Variants in ASIC4 observed in about 807,000 individuals in gnomAD.
ASIC4 encodes the protein acid-sensing ion channel 4.
ASIC4 carries 28 observed loss-of-function variants against 53.4 expected under a neutral mutation model. The ratio of observed to expected loss-of-function variants is 0.52; its 90% confidence interval spans 0.39 to 0.72. The LOEUF (loss-of-function observed/expected upper bound fraction) is 0.72. Ranked by LOEUF, ASIC4 falls within the 30% of genes least tolerant of loss-of-function variation. The pLI, the probability that ASIC4 is intolerant of heterozygous loss-of-function variation, is 0.00. For missense variants in ASIC4, 649 were observed against 729.7 expected, an observed-to-expected ratio of 0.89 and a Z score of 1.27; for synonymous variants, 289 against 301.4, an observed-to-expected ratio of 0.96 and a Z score of 0.43.
Position 219,517,995 on chromosome 2 carries a change from C to T in ASIC4, c.582+2689C>T, listed in dbSNP as rs980557240. On this transcript the variant is annotated intron_variant, in intron 1 of 9. Transcript: ENST00000358078. The surrounding 1 kb of genome is among the most constrained non-coding windows in gnomAD (Gnocchi z 4.2). ...TTTTACTCCGGGTAATGTGCCCTCC[C>T]CCAGTCCCCTCTGCTGCTGCTCTTG... 2.0e-5 allele frequency among the ~76,000 whole-genome samples: 3 copies of T among 152,158 alleles called. No homozygotes were observed. The highest frequency in any genetic ancestry group is 7.2e-5 in the African/African-American group (3 of 41,408).
upstream of ASIC4, among the ~76,000 whole-genome samples, chr2:219,511,736 T>C (rs1253032060): frequency 1.3e-5 from 1 of 79,980 alleles, no homozygotes; most frequent in Non-Finnish European, 3.0e-5. The surrounding 1 kb of genome is among the most constrained non-coding windows in gnomAD (Gnocchi z 5.3). Flanking sequence ...CAGGGAGGGG[T>C]GGGGGAGCTT....
chr2:219,532,149 C>A, intron 3 of ASIC4, 21 bp downstream of exon 3: 1 of 1,613,826 alleles, frequency 6.2e-7, no homozygotes, highest in Non-Finnish European at 8.5e-7. Flanking sequence ...CCTGCTAGGC[C>A]CTGGATTGGG....
At chr2:219,509,771 T>C (rs190260850), upstream of ASIC4, among the ~76,000 whole-genome samples, 16 of 152,068 alleles carry the variant, frequency 1.1e-4, no homozygotes, top group African/African-American at 3.6e-4. This position sits in a 1 kb window ranked among gnomAD's most constrained non-coding sequence, Gnocchi z 5.2. Flanking sequence ...CCCTCTGAAA[T>C]TGATCTTTGC....
chr2:219,519,638 A>C (rs1694855213), intron 1 of ASIC4, among the ~76,000 whole-genome samples: 2 of 152,246 alleles, frequency 1.3e-5, no homozygotes. Context: ...GCTGTTGAGC[A>C]CTTGAAATGC....
chr2:219,537,676 C>A lies in ASIC4; in HGVS notation c.1446C>A (p.Thr482=), dbSNP rs959583672. The stretch of plus-strand genomic sequence containing the variant: ...AGCGGGTATGGAGGCGTCCCAAGAC[C>A]CCCCTGCGGACCTCCACTGGGGGCA... ...RLKRVWRRPK[T]PLRTSTGGIS... Residue 482 remains threonine, a synonymous_variant, in exon 9 of 10, where the codon ACC becomes ACA. Transcript: ENST00000358078. The surrounding 1 kb of genome is among the most constrained non-coding windows in gnomAD (Gnocchi z 4.9). 4 of 1,614,042 alleles carry A rather than the reference C, an allele frequency of 2.5e-6. No individual in the cohort carries two copies. Among genetic ancestry groups the A allele is most frequent in the Non-Finnish European group, 3.4e-6 (4 of 1,179,964 alleles).
At chr2:219,526,188 C>T (rs1694959269) in intron 1 of ASIC4, among the ~76,000 whole-genome samples, 1 of 152,130 alleles carries the variant, frequency 6.6e-6, no homozygotes, top group African/African-American at 2.4e-5. Context: ...AGATAGAGTT[C>T]CGAGGGCTGA....
In ASIC4 at chr2:219,532,955, C is replaced by A; in HGVS notation, c.1075+16C>A. The A allele has an allele frequency of 2.5e-6, 4 of 1,612,262 alleles. No homozygotes were observed. Among genetic ancestry groups the A allele is most frequent in the East Asian group, 2.2e-5 (1 of 44,870 alleles). ...CACACACTGGGTCCGTGCTGCCTAC[C>A]CTTTCCTACCTCTCCATCAGCCTCT... is the stretch of plus-strand genomic sequence containing the variant. On this transcript the variant is annotated intron_variant, in intron 5 of 9. Transcript: ENST00000358078.
rs889436522 is a variant in ASIC4, at chr2:219,531,907, G to T, written c.727+5G>T. ...TGCCCATCTGGAGGGAGACAAGTACGCAGGCCGGAAAGGGACAAGGGCCAC... is the reference window on the plus strand; with the variant it reads ...TGCCCATCTGGAGGGAGACAAGTACTCAGGCCGGAAAGGGACAAGGGCCAC... On this transcript the variant is annotated splice_donor_5th_base_variant and intron_variant, in intron 2 of 9. Coordinates refer to ENST00000358078, the MANE Select transcript of ASIC4 (RefSeq NM_018674.6). 6.2e-7 allele frequency: 1 copy of T among 1,610,774 alleles called. No individual in the cohort carries two copies. Among genetic ancestry groups the T allele is most frequent in the Non-Finnish European group, 8.5e-7 (1 of 1,178,036 alleles).
Position 219,517,809 on chromosome 2 carries a change from C to T in ASIC4, c.582+2503C>T, listed in dbSNP as rs1420595775. On this transcript the variant is annotated intron_variant, in intron 1 of 9. Coordinates refer to ENST00000358078, the MANE Select transcript of ASIC4 (RefSeq NM_018674.6). This position sits in a 1 kb window ranked among gnomAD's most constrained non-coding sequence, Gnocchi z 4.2. The stretch of plus-strand genomic sequence containing the variant: ...GTGAGCTGGTTGGTGGGGAGCCTGC[C>T]GGGGTATGGGTGGTGAGATGGTCAG... Among the ~76,000 whole-genome samples the T allele has an allele frequency of 1.3e-5, 2 of 151,910 alleles. No individual in the cohort carries two copies. Among genetic ancestry groups the T allele is most frequent in the Non-Finnish European group, 2.9e-5 (2 of 67,946 alleles).
rs544528470 is a variant in ASIC4, at chr2:219,535,445, ATGTGGG to A, written c.1229+132_1229+137del. On this transcript the variant is annotated intron_variant, in intron 6 of 9. Transcript: ENST00000358078. ...TGTATGTGTGTATGTGTTTGTGTGTATGTGGGTGTGGGTGTGTATGTGTGTGGGGTG... is the reference window on the plus strand; with the variant it reads ...TGTATGTGTGTATGTGTTTGTGTGTATGTGGGTGTGTATGTGTGTGGGGTG... 1.9e-4 allele frequency: 199 copies of A among 1,060,418 alleles called. No individual in the cohort carries two copies. The Middle Eastern group carries it at 2.3e-3, about 12-fold the overall frequency. 65.7% of individuals were successfully genotyped at this position (1,060,418 alleles called of 1,614,324 possible).
Position 219,514,623 on chromosome 2 carries a change from G to T in ASIC4, c.-102G>T, listed in dbSNP as rs1266494100. 8.1e-6 allele frequency: 13 copies of T among 1,608,868 alleles called. No individual in the cohort carries two copies. The highest frequency in any genetic ancestry group is 1.1e-5 in the South Asian group (1 of 90,440). On this transcript the variant is annotated 5_prime_UTR_variant, in exon 1 of 10. Transcript: ENST00000358078. ...CTTCCCGCTTGCCCTGAGTTTAGAA[G>T]AGCAGCCGCTGCCACCACTGCCACT...
rs1559452824 is a variant in ASIC4 at position 219,515,160 on chromosome 2, G to A, written c.436G>A (p.Asp146Asn). The change falls in exon 1 of 10, where the codon GAC becomes AAC. Residue 146 changes from aspartate to asparagine, a missense_variant. Transcript: ENST00000358078. ...LANLTGLPPK[D>N]RDGHRAAGLR... ...CAATCTGACAGGGCTGCCCCCCAAA[G>A]ACCGGGATGGGCACCGTGCGGCTGG... 1.9e-6 allele frequency: 3 copies of A among 1,614,212 alleles called. No individual in the cohort carries two copies. Among genetic ancestry groups the A allele is most frequent in the Non-Finnish European group, 2.5e-6 (3 of 1,180,038 alleles).
chr2:219,531,603 G>A (rs183840638), intron 1 of ASIC4, among the ~76,000 whole-genome samples, 155 bp from the exon 2 acceptor site: 8 of 152,310 alleles, frequency 5.3e-5, no homozygotes, highest in East Asian at 1.9e-4. Flanking sequence ...AAAAGTTGGC[G>A]CTGATTGGAG....
In ASIC4 at chr2:219,537,081, C is replaced by T. The variant is rs1695150861; in HGVS notation, c.1245C>T (p.Val415=). 1 of 1,614,094 alleles carries T rather than the reference C, an allele frequency of 6.2e-7. No homozygotes were observed. Among genetic ancestry groups the T allele is most frequent in the Admixed American group, 1.7e-5 (1 of 60,024 alleles). ...NETYIRENFL[V]LDVFFEALTS... Reference sequence around the variant, plus strand: ...GTCTCCACAGGGAGAACTTCCTGGTCCTAGATGTCTTCTTTGAGGCCCTGA... The same window carrying T: ...GTCTCCACAGGGAGAACTTCCTGGTTCTAGATGTCTTCTTTGAGGCCCTGA... The change falls in exon 7 of 10, where the codon GTC becomes GTT. Residue 415 remains valine (V), a synonymous_variant. Coordinates refer to ENST00000358078, the MANE Select transcript of ASIC4 (RefSeq NM_018674.6). This position sits in a 1 kb window ranked among gnomAD's most constrained non-coding sequence, Gnocchi z 4.9.
At position 219,532,867 on chromosome 2, in the gene ASIC4, T is replaced by A; in HGVS notation, c.1019-16T>A. On this transcript the variant is annotated splice_polypyrimidine_tract_variant and intron_variant, in intron 4 of 9. Coordinates refer to ENST00000358078, the MANE Select transcript of ASIC4 (RefSeq NM_018674.6). Reference sequence around the variant, plus strand: ...AAGTGATCGTAGATTCCAGGAATAATCTTCTCTCCTTTCAGGCAATGAGAC... The same window carrying A: ...AAGTGATCGTAGATTCCAGGAATAAACTTCTCTCCTTTCAGGCAATGAGAC... 1 of 1,609,490 alleles carries A rather than the reference T, an allele frequency of 6.2e-7. No individual in the cohort carries two copies.
In ASIC4 at chr2:219,517,688, G is replaced by C. The variant is rs565263283; in HGVS notation, c.582+2382G>C. On this transcript the variant is annotated intron_variant, in intron 1 of 9. Coordinates refer to ENST00000358078, the MANE Select transcript of ASIC4 (RefSeq NM_018674.6). This position sits in a 1 kb window ranked among gnomAD's most constrained non-coding sequence, Gnocchi z 4.2. ...AATGGGCATGGAGATGAAGATATGG[G>C]GTCTCCAAAAAGGACGTGAGGTCCA... Among the ~76,000 whole-genome samples, 2 of 152,218 alleles carry C rather than the reference G, an allele frequency of 1.3e-5. No homozygotes were observed. Among genetic ancestry groups the C allele is most frequent in the African/African-American group, 4.8e-5 (2 of 41,512 alleles).
chr2:219,528,774 A>G (rs1007093830), intron 1 of ASIC4, among the ~76,000 whole-genome samples: 2 of 152,122 alleles, frequency 1.3e-5, no homozygotes, highest in African/African-American at 4.8e-5. Context: ...TCCTGACCTC[A>G]AGTGTTCTGC....
intron 5 of ASIC4, chr2:219,533,186 T>C: frequency 1.7e-6 from 1 of 571,556 alleles, no homozygotes; most frequent in East Asian, 2.9e-5. Flanking sequence ...GGAGTGAAGG[T>C]CTGGGCTTCT....
intron 1 of ASIC4, among the ~76,000 whole-genome samples, chr2:219,530,257 A>G (rs1695020963): frequency 6.6e-6 from 1 of 152,220 alleles, no homozygotes; most frequent in Non-Finnish European, 1.5e-5. Flanking sequence ...CCTCTCCCTC[A>G]GCCTGTTCTC....
Sources: gnomAD v4.1 joint callset for allele counts (sites outside exome capture counted in the v4.1 genomes callset) on GRCh38, gnomAD v4.1.1 for gene constraint, Gnocchi (gnomAD v3.1) non-coding constraint, MANE v1.5 for transcripts, NCBI Gene and HGNC (gene_info 2026-07-23, HGNC 2026-07-21) for gene names.